Variants in SGMS1 observed in about 807,000 individuals in gnomAD.
SGMS1 encodes the protein phosphatidylcholine:ceramide cholinephosphotransferase 1.
Under a neutral mutation model 46.2 loss-of-function variants are expected in SGMS1, and 13 were observed. The ratio of observed to expected loss-of-function variants is 0.28; its 90% CI spans 0.18 to 0.45. The LOEUF (loss-of-function observed/expected upper bound fraction) is 0.45, where lower values mean the gene tolerates loss of function less well. SGMS1 is among the 20% of genes least tolerant of loss of function. The pLI, the probability that SGMS1 is intolerant of heterozygous loss-of-function variation, is 1.00. For missense variants in SGMS1, 324 were observed against 519.9 expected (o/e 0.62, Z 3.66); for synonymous variants, 203 against 187.8 (o/e 1.08, Z -0.66).
At chr10:50,355,524 C>G (rs190647032) in intron 6 of SGMS1, among the ~76,000 whole-genome samples, 1 of 152,236 alleles carries the variant, frequency 6.6e-6, no homozygotes, top group Non-Finnish European at 1.5e-5. Flanking sequence ...ATCTGCCAGC[C>G]TTGGCCTCCC....
At chr10:50,463,915 A>G (rs1254944835) in intron 4 of SGMS1, among the ~76,000 whole-genome samples, 4 of 152,244 alleles carry the variant, frequency 2.6e-5, no homozygotes, top group African/African-American at 9.6e-5. Context: ...AAAACAAGTC[A>G]GTCACAAAAA....
intron 6 of SGMS1, among the ~76,000 whole-genome samples, chr10:50,366,731 C>G (rs775897515): frequency 2.4e-4 from 37 of 151,784 alleles, no homozygotes; most frequent in Non-Finnish European, 1.6e-4. Context: ...TGTTCTCACT[C>G]ATAAGTGAGA....
intron 1 of SGMS1, among the ~76,000 whole-genome samples, chr10:50,605,388 G>A (rs548626635): frequency 6.6e-6 from 1 of 152,202 alleles, no homozygotes; most frequent in African/African-American, 2.4e-5. Flanking sequence ...AATCATATCT[G>A]CATATCCAGT....
intron 1 of SGMS1, among the ~76,000 whole-genome samples, chr10:50,597,553 A>G (rs1471179235): frequency 1.3e-5 from 2 of 152,220 alleles, no homozygotes; most frequent in Non-Finnish European, 2.9e-5. Flanking sequence ...TAATAGTCTT[A>G]CAAAGAAAAA....
chr10:50,524,923 T>C (rs568749069), intron 2 of SGMS1, among the ~76,000 whole-genome samples: 4 of 152,280 alleles, frequency 2.6e-5, no homozygotes, highest in African/African-American at 9.6e-5. Context: ...AAAAGAGACC[T>C]ATAAACTAAC....
At chr10:50,338,829 T>C (rs1259142565) in intron 7 of SGMS1, among the ~76,000 whole-genome samples, 1 of 151,706 alleles carries the variant, frequency 6.6e-6, no homozygotes, top group Non-Finnish European at 1.5e-5. Context: ...AACCTCCGCC[T>C]CCTGGGTTCA....
At chr10:50,323,148 G>C (rs11005193) in intron 8 of SGMS1, among the ~76,000 whole-genome samples, 36,847 of 152,034 alleles carry the variant, frequency 0.24, 4,523 homozygotes, top group East Asian at 0.31. Context: ...TTCTCTGAGC[G>C]ATTATATTTT....
chr10:50,419,949 A>G (rs549809181), intron 6 of SGMS1, among the ~76,000 whole-genome samples: 58 of 152,326 alleles, frequency 3.8e-4, no homozygotes, highest in African/African-American at 1.4e-3. Context: ...GAGAGTGGAA[A>G]GAACACTGCA....
intron 2 of SGMS1, among the ~76,000 whole-genome samples, chr10:50,577,278 C>T (rs146672039): frequency 1.4e-4 from 21 of 152,278 alleles, no homozygotes; most frequent in Middle Eastern, 6.8e-3. Flanking sequence ...TCATCTTCTG[C>T]ATGGTTCCCT....
At chr10:50,530,794 T>C (rs960308733) in intron 2 of SGMS1, among the ~76,000 whole-genome samples, 1 of 152,180 alleles carries the variant, frequency 6.6e-6, no homozygotes, top group South Asian at 2.1e-4. Flanking sequence ...TTTTTAACAA[T>C]AGTTTATATA....
At chr10:50,410,279 G>C (rs1316374119) in intron 6 of SGMS1, among the ~76,000 whole-genome samples, 1 of 152,104 alleles carries the variant, frequency 6.6e-6, no homozygotes, top group African/African-American at 2.4e-5. Flanking sequence ...GATAGGAAAG[G>C]GCATTCAAGG....
chr10:50,574,984 T>TATATATATATATATATAA (rs1466751231), intron 2 of SGMS1, among the ~76,000 whole-genome samples: 1 of 144,748 alleles, frequency 6.9e-6, no homozygotes, highest in Non-Finnish European at 1.5e-5. Flanking sequence ...TATATATATA[T>TATATATATATATATATAA]AAAACAAAGT....
chr10:50,502,201 A>G (rs1276751174), intron 3 of SGMS1, among the ~76,000 whole-genome samples: 1 of 152,040 alleles, frequency 6.6e-6, no homozygotes, highest in Admixed American at 6.6e-5. Context: ...ATAACTGATC[A>G]AAACTGCTTA....
chr10:50,589,978 T>G (rs1838525032), intron 2 of SGMS1, among the ~76,000 whole-genome samples, 175 bp downstream of exon 2: 1 of 152,216 alleles, frequency 6.6e-6, no homozygotes, highest in Non-Finnish European at 1.5e-5. Context: ...AACTTCTACA[T>G]GTTTCAGCTA....
intron 5 of SGMS1, among the ~76,000 whole-genome samples, chr10:50,457,405 T>C (rs1234699135): frequency 1.3e-5 from 2 of 152,188 alleles, no homozygotes; most frequent in African/African-American, 4.8e-5. Context: ...TAAGCAAATG[T>C]TTTTTACATT....
chr10:50,483,482 C>G (rs1837494707), intron 3 of SGMS1, among the ~76,000 whole-genome samples: 1 of 152,124 alleles, frequency 6.6e-6, no homozygotes, highest in South Asian at 2.1e-4. Flanking sequence ...AGACAGATCA[C>G]TGAGAGAGAA....
chr10:50,390,667 T>C (rs1848753680), intron 6 of SGMS1, among the ~76,000 whole-genome samples: 2 of 152,210 alleles, frequency 1.3e-5, no homozygotes, highest in Admixed American at 6.5e-5. Flanking sequence ...ATCTAACAAT[T>C]AGAATGTTCA....
Position 50,344,274 on chromosome 10 carries a change from C to G in SGMS1, c.-160G>C. On this transcript the variant is annotated 5_prime_UTR_variant, in exon 7 of 11. Transcript: ENST00000361781. ...GATGGTCAGGGCAGTTTTTAAACAC[C>G]TCATGTAGCTGTCCAGGGTTCCTGA... The G allele has an allele frequency of 1.2e-6, 1 of 814,830 alleles. No homozygotes were observed. The highest frequency in any genetic ancestry group is 1.9e-6 in the Non-Finnish European group (1 of 540,264). The allele number at this position is 814,830 out of a possible 1,614,324, so 50.5% of individuals were successfully genotyped here. A position where few individuals can be genotyped will look rare whatever the true frequency, so the allele number is the denominator to read the frequency against.
chr10:50,459,886 T>A (rs952463571), intron 5 of SGMS1: 3 of 152,186 alleles, frequency 2.0e-5, no homozygotes, highest in African/African-American at 7.2e-5. Flanking sequence ...AAATGGGACT[T>A]GCTTAATGCT....
Sources: gnomAD v4.1 joint callset for allele counts (sites outside exome capture counted in the v4.1 genomes callset) on GRCh38, gnomAD v4.1.1 for gene constraint, MANE v1.5 for transcripts, NCBI Gene and HGNC (gene_info 2026-07-23, HGNC 2026-07-21) for gene names.